The following RSBN1 variants were observed in gnomAD, a reference collection of about 807,000 sequenced individuals.
The protein encoded by RSBN1 is round spermatid basic protein 1.
A neutral mutation model predicts 74.8 loss-of-function variants in RSBN1; 23 were observed. That is an observed-to-expected ratio of 0.31 (90% CI 0.22 to 0.44). The LOEUF is 0.44. Among genes scored for constraint, RSBN1 ranks in the 20% least tolerant of loss-of-function variants. The pLI, the probability that RSBN1 is intolerant of heterozygous loss-of-function variation, is 1.00. For missense variants in RSBN1, 808 were observed against 1,020.9 expected, an observed-to-expected ratio of 0.79 and a Z score of 2.84; for synonymous variants, 407 against 379.6, an observed-to-expected ratio of 1.07 and a Z score of -0.84.
chr1:113,800,727 C>G (rs764606000), intron 1 of RSBN1, among the ~76,000 whole-genome samples: 4 of 151,914 alleles, frequency 2.6e-5, no homozygotes, highest in Non-Finnish European at 5.9e-5. Context: ...TTACTATCAA[C>G]TTTCCAGTGG....
intron 3 of RSBN1, 78 bp from the exon 4 acceptor site, chr1:113,777,430 T>G: frequency 7.0e-7 from 1 of 1,425,046 alleles, no homozygotes; most frequent in Non-Finnish European, 9.5e-7. Flanking sequence ...CAAATAAAAG[T>G]TCTAAGAAGG....
intron 1 of RSBN1, among the ~76,000 whole-genome samples, chr1:113,810,382 A>G (rs1244699790): frequency 2.8e-5 from 4 of 143,256 alleles, no homozygotes; most frequent in Admixed American, 7.0e-5. Flanking sequence ...CTGTACAGTT[A>G]AAACACACAC....
chr1:113,812,003 G>A lies in RSBN1; in HGVS notation c.410C>T (p.Pro137Leu), dbSNP rs2101834412. ...PTNAAPTVPG[P>L]VEPLLLPPPP... ...AGGCGGCAGGAGAAGAGGCTCAACA[G>A]GGCCTGGGACAGTTGGGGCTGCATT... Residue 137 changes from proline to leucine, a missense_variant, in exon 1 of 7, where the codon CCT (proline) becomes CTT (leucine). By Grantham distance (98) the Pro-to-Leu change is moderately conservative. Around this residue, in one of 6 missense-constraint regions of RSBN1, gnomAD observed 464 missense variants for 401.0 expected, o/e 1.16. Transcript: ENST00000261441. The A allele has an allele frequency of 1.3e-6, 2 of 1,552,960 alleles. No individual in the cohort carries two copies. Among genetic ancestry groups the A allele is most frequent in the Admixed American group, 2.0e-5 (1 of 50,166 alleles).
chr1:113,807,809 A>G (rs1420499208), intron 1 of RSBN1, among the ~76,000 whole-genome samples: 1 of 150,700 alleles, frequency 6.6e-6, no homozygotes, highest in Non-Finnish European at 1.5e-5. Flanking sequence ...ATACACACAC[A>G]CACACACACA....
chr1:113,777,850 CTATAA>C, intron 2 of RSBN1, 42 bp from the exon 3 acceptor site: 4 of 1,468,688 alleles, frequency 2.7e-6, no homozygotes, highest in Non-Finnish European at 2.7e-6. Flanking sequence ...TGAGGTACAA[CTATAA>C]TATAATTAAA....
chr1:113,766,889 C>A (rs1659790765), intron 6 of RSBN1, among the ~76,000 whole-genome samples: 1 of 152,200 alleles, frequency 6.6e-6, no homozygotes, highest in Admixed American at 6.5e-5. Flanking sequence ...CCAGGCCCAC[C>A]TGGTATCCCA....
chr1:113,789,935 T>C (rs938363581), intron 2 of RSBN1, among the ~76,000 whole-genome samples: 34 of 152,190 alleles, frequency 2.2e-4, no homozygotes, highest in Non-Finnish European at 4.1e-4. Context: ...TGCAGAATGA[T>C]ACACACAATA....
At chr1:113,811,642 C>T (rs1660851109) in intron 1 of RSBN1, 68 bp downstream of exon 1, 5 of 1,513,240 alleles carry the variant, frequency 3.3e-6, no homozygotes, top group Non-Finnish European at 3.5e-6. Flanking sequence ...TCTTTCAGTC[C>T]TAAAGATGCG....
At chr1:113,805,792 C>G (rs1660688010) in intron 1 of RSBN1, among the ~76,000 whole-genome samples, 1 of 152,190 alleles carries the variant, frequency 6.6e-6, no homozygotes, top group African/African-American at 2.4e-5. Context: ...TACTGTTGAA[C>G]TGCTGTGCAG....
In RSBN1 at chr1:113,797,447, A is replaced by C; in HGVS notation, c.1293T>G (p.Phe431Leu). The C allele has an allele frequency of 4.3e-6, 7 of 1,614,088 alleles. No individual in the cohort carries two copies. The highest frequency in any genetic ancestry group is 5.9e-6 in the Non-Finnish European group (7 of 1,179,956). Residue 431 changes from phenylalanine (F) to leucine (L), a missense_variant, in exon 2 of 7, where the codon TTT becomes TTG. Around this residue, in one of 6 missense-constraint regions of RSBN1, gnomAD observed 112 missense variants for 257.3 expected, o/e 0.44. Coordinates refer to ENST00000261441, the MANE Select transcript of RSBN1 (RefSeq NM_018364.5). ...TTTTCACTGGAGTGTTGGGGAAATT[A>C]AAAGCAAAGTAGTCCAAGAAGTCTG... ...YLPDFLDYFA[F>L]NFPNTPVKME...
intron 2 of RSBN1, among the ~76,000 whole-genome samples, chr1:113,788,784 C>A (rs1029273386): frequency 6.6e-5 from 10 of 151,970 alleles, no homozygotes; most frequent in Admixed American, 6.6e-4. Flanking sequence ...AGGATACATG[C>A]GTGGATAAAA....
chr1:113,784,281 T>C (rs1256765500), intron 2 of RSBN1, among the ~76,000 whole-genome samples: 1 of 152,170 alleles, frequency 6.6e-6, no homozygotes, highest in Non-Finnish European at 1.5e-5. Flanking sequence ...CTGAGAAATG[T>C]CATTAGGCAA....
At position 113,811,878 on chromosome 1, in the gene RSBN1, T is replaced by G; in HGVS notation, c.535A>C (p.Ser179Arg). The G allele has an allele frequency of 6.2e-7, 1 of 1,612,644 alleles. No homozygotes were observed. The highest frequency in any genetic ancestry group is 1.1e-5 in the South Asian group (1 of 91,004). ...ALFTFSPLTVSAAGPKHKGHK... is the reference protein window; with the variant it reads ...ALFTFSPLTVRAAGPKHKGHK... The stretch of plus-strand genomic sequence containing the variant: ...CCCTTATGCTTGGGCCCGGCCGCGC[T>G]CACCGTCAGAGGCGAGAAGGTGAAG... Residue 179 changes from serine (S) to arginine (R), a missense_variant, in exon 1 of 7, where the codon AGC becomes CGC. Coordinates refer to ENST00000261441, the MANE Select transcript of RSBN1 (RefSeq NM_018364.5).
At chr1:113,806,014 T>C (rs1229300427) in intron 1 of RSBN1, among the ~76,000 whole-genome samples, 1 of 152,206 alleles carries the variant, frequency 6.6e-6, no homozygotes, top group Non-Finnish European at 1.5e-5. Context: ...ATGATTTCCA[T>C]GCGCTACAAG....
At chr1:113,784,967 A>G (rs1221540228) in intron 2 of RSBN1, among the ~76,000 whole-genome samples, 2 of 152,176 alleles carry the variant, frequency 1.3e-5, no homozygotes, top group Non-Finnish European at 2.9e-5. Context: ...TCTTTCTTCA[A>G]TAATAAATTA....
chr1:113,779,094 T>C (rs1024740241), intron 2 of RSBN1, among the ~76,000 whole-genome samples: 1 of 152,220 alleles, frequency 6.6e-6, no homozygotes, highest in Admixed American at 6.5e-5. Context: ...ACCTAGCATT[T>C]TCTACCTCTG....
chr1:113,807,816 C>T (rs991844345), intron 1 of RSBN1, among the ~76,000 whole-genome samples: 1 of 150,612 alleles, frequency 6.6e-6, no homozygotes, highest in African/African-American at 2.4e-5. Flanking sequence ...CACACACACA[C>T]ACACACACAC....
intron 1 of RSBN1, among the ~76,000 whole-genome samples, chr1:113,805,292 T>C (rs1336732060): frequency 2.0e-5 from 3 of 152,144 alleles, no homozygotes; most frequent in African/African-American, 7.2e-5. Flanking sequence ...GGTTTCACCA[T>C]GTTGACTAGG....
chr1:113,794,130 A>G (rs1253107939), intron 2 of RSBN1, among the ~76,000 whole-genome samples: 1 of 152,172 alleles, frequency 6.6e-6, no homozygotes, highest in African/African-American at 2.4e-5. Flanking sequence ...CCACATCTGA[A>G]GACTATCTCT....
Sources: allele counts gnomAD v4.1 joint callset (sites outside exome capture counted in the v4.1 genomes callset), GRCh38; gene constraint gnomAD v4.1.1; regional missense constraint gnomAD v4.1.1; transcripts MANE v1.5; gene names NCBI Gene and HGNC (gene_info 2026-07-23, HGNC 2026-07-21).